Variants in AKAP12 observed in about 807,000 individuals in gnomAD.
AKAP12 encodes A-kinase anchor protein 12.
In AKAP12, 32 loss-of-function variants were observed where a neutral mutation model predicts 79.9. That is an observed-to-expected ratio of 0.40 (90% CI 0.30 to 0.54). AKAP12 has a LOEUF of 0.54. Ranked by LOEUF, AKAP12 falls within the 20% of genes least tolerant of loss-of-function variation. AKAP12 has a pLI of 0.48. For synonymous variants in AKAP12, 808 were observed against 857.0 expected (o/e 0.94, Z 1.00); for missense variants, 2,074 against 2,177.0 (o/e 0.95, Z 0.94).
rs1253571815 is a variant in AKAP12, at chr6:151,349,634, GT to G, written c.1245del (p.Val416TrpfsTer49). The G allele has an allele frequency of 6.2e-7, 1 of 1,613,466 alleles. No homozygotes were observed. Among genetic ancestry groups the G allele is most frequent in the Admixed American group, 1.7e-5 (1 of 59,796 alleles). ...DEKIEVHQEE[V>X]VAEVHVSTVE... is the part of the protein sequence containing the mutation. ...GAAAATAGAAGTCCACCAAGAAGAG[GT>G]TGTGGCCGAAGTCCACGTCAGCACC... is the stretch of plus-strand genomic sequence containing the variant. On this transcript the variant is annotated frameshift_variant, in exon 4 of 5. Coordinates refer to ENST00000402676, the MANE Select transcript of AKAP12 (RefSeq NM_005100.4). LOFTEE classifies it high-confidence loss of function.
intron 3 of AKAP12, chr6:151,341,723 G>C (rs1256302762): frequency 3.9e-6 from 5 of 1,270,220 alleles, no homozygotes; most frequent in African/African-American, 1.5e-5. Context: ...AGTTCGCCCC[G>C]CAGCGATGGC....
At position 151,351,303 on chromosome 6, in the gene AKAP12, TG is replaced by T; in HGVS notation, c.2913del (p.Thr972ProfsTer5). The T allele has an allele frequency of 6.2e-7, 1 of 1,614,190 alleles. No individual in the cohort carries two copies. Among genetic ancestry groups the T allele is most frequent in the Non-Finnish European group, 8.5e-7 (1 of 1,180,030 alleles). On this transcript the variant is annotated frameshift_variant, in exon 4 of 5. Transcript: ENST00000402676. LOFTEE classifies it high-confidence loss of function. The surrounding 1 kb of genome is among the most constrained non-coding windows in gnomAD (Gnocchi z 4.4). ...RGDTVVSEAE[L>X]TPEAVTAAET... The stretch of plus-strand genomic sequence containing the variant: ...GACACGGTCGTTAGTGAGGCGGAAT[TG>T]ACCCCCGAAGCTGTGACAGCTGCAG...
chr6:151,333,354 A>C (rs1252191881), intron 3 of AKAP12, among the ~76,000 whole-genome samples: 1 of 151,956 alleles, frequency 6.6e-6, no homozygotes, highest in Non-Finnish European at 1.5e-5. Context: ...TGCCGCCCCC[A>C]CATCTTTTAG....
chr6:151,262,025 G>C (rs183499862), intron 2 of AKAP12, among the ~76,000 whole-genome samples: 1 of 152,016 alleles, frequency 6.6e-6, no homozygotes, highest in South Asian at 2.1e-4. Flanking sequence ...GGAATGGCGA[G>C]ATCTTGAACC....
chr6:151,244,395 G>A (rs965275732), intron 2 of AKAP12, among the ~76,000 whole-genome samples: 1 of 152,106 alleles, frequency 6.6e-6, no homozygotes, highest in Admixed American at 6.6e-5. Flanking sequence ...GTGGTGGCGG[G>A]CGCCTGTAGT....
At chr6:151,337,143 G>A (rs1044613279) in intron 3 of AKAP12, among the ~76,000 whole-genome samples, 3 of 152,056 alleles carry the variant, frequency 2.0e-5, no homozygotes, top group South Asian at 2.1e-4. Flanking sequence ...TCTATATTTT[G>A]TTGTTTTCTA....
intron 2 of AKAP12, among the ~76,000 whole-genome samples, chr6:151,279,353 G>T (rs1198548117): frequency 6.6e-6 from 1 of 152,064 alleles, no homozygotes; most frequent in Non-Finnish European, 1.5e-5. Context: ...TCAGGATTTG[G>T]TTCTCGTCAG....
chr6:151,325,580 A>G lies in AKAP12; in HGVS notation c.319+19677A>G, dbSNP rs983059272. 9.8e-5 allele frequency: 130 copies of G among 1,326,952 alleles called. No homozygotes were observed. The African/African-American group carries it at 1.8e-3, about 18-fold the overall frequency. The allele number at this position is 1,326,952 out of a possible 1,614,324, so 82.2% of individuals were successfully genotyped here. A position where few individuals can be genotyped will look rare whatever the true frequency, so the allele number is the denominator to read the frequency against. Reference sequence around the variant, plus strand: ...CGCTCCCGAAGTCCTGGAGCTCAGCAAGGGAGGGGCCAGCGCCAGCCCGCG... The same window carrying G: ...CGCTCCCGAAGTCCTGGAGCTCAGCGAGGGAGGGGCCAGCGCCAGCCCGCG... On this transcript the variant is annotated intron_variant, in intron 3 of 4. Transcript: ENST00000402676.
In AKAP12 at chr6:151,305,763, G is replaced by A. The variant is rs1410828110; in HGVS notation, c.179G>A (p.Gly60Asp). Residue 60 changes from glycine to aspartate, a missense_variant, in exon 3 of 5, where the codon GGT (glycine) becomes GAT (aspartate). Coordinates refer to ENST00000402676, the MANE Select transcript of AKAP12 (RefSeq NM_005100.4). ...DPATKLLQKN[G>D]QLSTINGVAE... is the part of the protein sequence containing the mutation. ...TTTCCATAGCTCCTACAGAAGAATG[G>A]TCAGCTGTCCACCATCAATGGCGTA... The A allele has an allele frequency of 1.2e-6, 2 of 1,612,326 alleles. No individual in the cohort carries two copies. The highest frequency in any genetic ancestry group is 1.3e-5 in the African/African-American group (1 of 74,830).
Position 151,351,216 on chromosome 6 carries a change from T to C in AKAP12, c.2825T>C (p.Ile942Thr), listed in dbSNP as rs775250242. ...LTEEVLEREV[I>T]AEEEPPTVTE... The stretch of plus-strand genomic sequence containing the variant: ...GAGGAGGTATTGGAAAGAGAAGTAA[T>C]TGCAGAAGAAGAACCCCCCACGGTT... The change falls in exon 4 of 5, where the codon ATT becomes ACT. Residue 942 changes from isoleucine (I) to threonine (T), a missense_variant. Physicochemically the swap from Ile to Thr is moderately conservative, Grantham distance 89 (BLOSUM62 -1). Coordinates refer to ENST00000402676, the MANE Select transcript of AKAP12 (RefSeq NM_005100.4). The surrounding 1 kb of genome is among the most constrained non-coding windows in gnomAD (Gnocchi z 4.4). The C allele has an allele frequency of 6.2e-7, 1 of 1,614,156 alleles. No individual in the cohort carries two copies. The highest frequency in any genetic ancestry group is 1.3e-5 in the African/African-American group (1 of 75,022).
intron 3 of AKAP12, chr6:151,325,383 T>C (rs1335625671): frequency 2.0e-6 from 2 of 985,240 alleles, no homozygotes; most frequent in Non-Finnish European, 2.4e-6. Context: ...AGGAATGAAG[T>C]AACCGTTTAG....
At chr6:151,341,841 C>T in intron 3 of AKAP12, 18 of 1,259,314 alleles carry the variant, frequency 1.4e-5, no homozygotes, top group Non-Finnish European at 1.7e-5. Flanking sequence ...GGGAAAGCCT[C>T]TCTACTGGCC....
rs1778348715 is a variant in AKAP12, at chr6:151,353,198, G to A, written c.4807G>A (p.Ala1603Thr). Residue 1603 changes from alanine to threonine, a missense_variant, in exon 4 of 5, where the codon GCC (alanine) becomes ACC (threonine). Transcript: ENST00000402676. ...ETEKEGEEPQ[A>T]SAQDETPITS... ...GGAGAAAGAAGGAGAGGAACCTCAGGCCTCTGCACAGGATGAAACACCAAT... is the reference window on the plus strand; with the variant it reads ...GGAGAAAGAAGGAGAGGAACCTCAGACCTCTGCACAGGATGAAACACCAAT... The A allele has an allele frequency of 6.2e-7, 1 of 1,614,160 alleles. No homozygotes were observed. Among genetic ancestry groups the A allele is most frequent in the Non-Finnish European group, 8.5e-7 (1 of 1,180,012 alleles).
intron 2 of AKAP12, among the ~76,000 whole-genome samples, chr6:151,279,324 C>G (rs1776351610): frequency 6.6e-6 from 1 of 152,070 alleles, no homozygotes; most frequent in Non-Finnish European, 1.5e-5. Flanking sequence ...GTCTGTGATG[C>G]TTGGCAAGTA....
intron 2 of AKAP12, among the ~76,000 whole-genome samples, chr6:151,273,076 T>G (rs1416733478): frequency 6.6e-6 from 1 of 151,990 alleles, no homozygotes; most frequent in East Asian, 1.9e-4. Context: ...CCTGGCTAAT[T>G]TTTTGTATTT....
At chr6:151,248,918 T>C (rs1166034754) in intron 2 of AKAP12, among the ~76,000 whole-genome samples, 2 of 150,970 alleles carry the variant, frequency 1.3e-5, no homozygotes, top group Non-Finnish European at 3.0e-5. Context: ...ACCTAGGAGG[T>C]GGAGGTTGCA....
chr6:151,255,822 C>T (rs1393697954), intron 2 of AKAP12, among the ~76,000 whole-genome samples: 2 of 152,110 alleles, frequency 1.3e-5, no homozygotes, highest in Non-Finnish European at 2.9e-5. Context: ...AAAAAGCAAG[C>T]GCTAATGGAC....
At chr6:151,317,991 C>T (rs1777273799) in intron 3 of AKAP12, among the ~76,000 whole-genome samples, 1 of 152,186 alleles carries the variant, frequency 6.6e-6, no homozygotes, top group Admixed American at 6.5e-5. Context: ...CCTGCCAAGC[C>T]CTGTGACCTC....
chr6:151,274,708 T>C (rs941986835), intron 2 of AKAP12, among the ~76,000 whole-genome samples: 2 of 152,110 alleles, frequency 1.3e-5, no homozygotes, highest in South Asian at 2.1e-4. Flanking sequence ...TGTTTGTGAG[T>C]TGGGGGCATC....
Sources: gnomAD v4.1 joint callset for allele counts (sites outside exome capture counted in the v4.1 genomes callset) on GRCh38, gnomAD v4.1.1 for gene constraint, Gnocchi (gnomAD v3.1) non-coding constraint, MANE v1.5 for transcripts, NCBI Gene and HGNC (gene_info 2026-07-23, HGNC 2026-07-21) for gene names.